The following EPS8 variants were observed in gnomAD, a reference collection of about 807,000 sequenced individuals.
EPS8 encodes the protein EGFR pathway substrate 8, signaling adaptor.
A neutral mutation model predicts 103.8 loss-of-function variants in EPS8; 42 were observed. The ratio of observed to expected loss-of-function variants is 0.40; its 90% CI spans 0.32 to 0.52. The LOEUF is 0.52. Ranked by LOEUF, EPS8 falls within the 20% of genes least tolerant of loss-of-function variation. The pLI is 0.40. For synonymous variants in EPS8, 344 were observed against 344.6 expected, an observed-to-expected ratio of 1.00 and a Z score of 0.02; for missense variants, 969 against 1,005.1, an observed-to-expected ratio of 0.96 and a Z score of 0.49.
intron 8 of EPS8, 138 bp from the exon 9 acceptor site, chr12:15,662,237 T>G: frequency 3.3e-6 from 5 of 1,493,520 alleles, no homozygotes; most frequent in Non-Finnish European, 4.4e-6. Context: ...AAGTCAAAAC[T>G]GTGCTCATCA....
rs193078630 is a variant in EPS8, at chr12:15,767,819, G to C, written c.-22+21342C>G. 6.6e-6 allele frequency among the ~76,000 whole-genome samples: 1 copy of C among 152,270 alleles called. No individual in the cohort carries two copies. Among genetic ancestry groups the C allele is most frequent in the Admixed American group, 6.5e-5 (1 of 15,294 alleles). On this transcript the variant is annotated intron_variant, in intron 1 of 20. Coordinates refer to ENST00000281172, the MANE Select transcript of EPS8 (RefSeq NM_004447.6). This position sits in a 1 kb window ranked among gnomAD's most constrained non-coding sequence, Gnocchi z 5.5. ...TGTCTGGAAATCTGTTTTCCCAACAGGATTTTGCAAAGCAAAAACATTTCA... is the reference window on the plus strand; with the variant it reads ...TGTCTGGAAATCTGTTTTCCCAACACGATTTTGCAAAGCAAAAACATTTCA...
In EPS8 at chr12:15,768,960, AC is replaced by A. The variant is rs1385328791; in HGVS notation, c.-22+20200del. On this transcript the variant is annotated intron_variant, in intron 1 of 20. Coordinates refer to ENST00000281172, the MANE Select transcript of EPS8 (RefSeq NM_004447.6). ...ACATTTTACAGATGAAATTATAATC[AC>A]CTGAGCTTTTAAAAAATAAAAATTA... Among the ~76,000 whole-genome samples the A allele has an allele frequency of 6.6e-5, 10 of 152,370 alleles. No homozygotes were observed. The East Asian group carries it at 1.9e-3, about 29-fold the overall frequency.
chr12:15,746,899 T>C (rs187142520), intron 1 of EPS8, among the ~76,000 whole-genome samples: 9 of 152,286 alleles, frequency 5.9e-5, no homozygotes, highest in Admixed American at 2.0e-4. Context: ...TTATGTTAGT[T>C]ACCATAGTGC....
rs1361523890 is a variant in EPS8 at position 15,716,285 on chromosome 12, A to C, written c.-21-33313T>G. Among the ~76,000 whole-genome samples the C allele has an allele frequency of 1.3e-5, 2 of 152,216 alleles. No homozygotes were observed. Among genetic ancestry groups the C allele is most frequent in the African/African-American group, 4.8e-5 (2 of 41,456 alleles). On this transcript the variant is annotated intron_variant, in intron 1 of 20. Coordinates refer to ENST00000281172, the MANE Select transcript of EPS8 (RefSeq NM_004447.6). This position sits in a 1 kb window ranked among gnomAD's most constrained non-coding sequence, Gnocchi z 5.0. ...CAGGTACAGTTAATACCCTGCTGTT[A>C]AACAAAATTCTGATATACCTTTGGC...
At position 15,735,218 on chromosome 12, in the gene EPS8, T is replaced by G. The variant is rs1036394392; in HGVS notation, c.-21-52246A>C. On this transcript the variant is annotated intron_variant, in intron 1 of 20. Transcript: ENST00000281172. This position sits in a 1 kb window ranked among gnomAD's most constrained non-coding sequence, Gnocchi z 4.4. Reference sequence around the variant, plus strand: ...TTCTTACGTTTCTACTTTAGTCCAATGAAGGCTAAGTTAAAGGTATTCTGC... The same window carrying G: ...TTCTTACGTTTCTACTTTAGTCCAAGGAAGGCTAAGTTAAAGGTATTCTGC... Among the ~76,000 whole-genome samples the G allele has an allele frequency of 6.6e-6, 1 of 152,348 alleles. No individual in the cohort carries two copies. Among genetic ancestry groups the G allele is most frequent in the Admixed American group, 6.5e-5 (1 of 15,308 alleles).
chr12:15,778,500 T>G lies in EPS8; in HGVS notation c.-22+10661A>C, dbSNP rs1181192932. On this transcript the variant is annotated intron_variant, in intron 1 of 20. Coordinates refer to ENST00000281172, the MANE Select transcript of EPS8 (RefSeq NM_004447.6). This position sits in a 1 kb window ranked among gnomAD's most constrained non-coding sequence, Gnocchi z 4.5. ...TGTGCAAAAAACAAAACAAAAACAC[T>G]GTAGTTTATGGTACACAGTACTTTT... Among the ~76,000 whole-genome samples the G allele has an allele frequency of 1.3e-5, 2 of 152,132 alleles. No homozygotes were observed. The highest frequency in any genetic ancestry group is 1.5e-5 in the Non-Finnish European group (1 of 68,032).
chr12:15,681,901 C>T (rs4764220), intron 2 of EPS8, among the ~76,000 whole-genome samples: 110,047 of 151,756 alleles, frequency 0.73, 41,041 homozygotes, highest in East Asian at 0.87. Context: ...AGACCCAAAA[C>T]CTAGAAGAAT....
chr12:15,649,636 T>C (rs953810957), intron 14 of EPS8, among the ~76,000 whole-genome samples: 3 of 152,110 alleles, frequency 2.0e-5, no homozygotes, highest in Non-Finnish European at 4.4e-5. Flanking sequence ...AAAAATTGCA[T>C]TAGGAAAAAA....
At position 15,690,186 on chromosome 12, in the gene EPS8, T is replaced by G. The variant is rs1321872649; in HGVS notation, c.-21-7214A>C. Reference sequence around the variant, plus strand: ...GCTCCTTAAGAGGATCAATCTTTTCTAAAGTGTACAATATATCTTTATAAA... The same window carrying G: ...GCTCCTTAAGAGGATCAATCTTTTCGAAAGTGTACAATATATCTTTATAAA... On this transcript the variant is annotated intron_variant, in intron 1 of 20. Coordinates refer to ENST00000281172, the MANE Select transcript of EPS8 (RefSeq NM_004447.6). This position sits in a 1 kb window ranked among gnomAD's most constrained non-coding sequence, Gnocchi z 4.7. Among the ~76,000 whole-genome samples, 1 of 152,194 alleles carries G rather than the reference T, an allele frequency of 6.6e-6. No homozygotes were observed. Among genetic ancestry groups the G allele is most frequent in the African/African-American group, 2.4e-5 (1 of 41,452 alleles).
intron 8 of EPS8, 49 bp downstream of exon 8, chr12:15,665,707 C>G: frequency 6.2e-7 from 1 of 1,603,830 alleles, no homozygotes; most frequent in Non-Finnish European, 8.5e-7. Context: ...AGAACTATGT[C>G]CCAACCCAAA....
At chr12:15,737,049 A>G (rs1350573478) in intron 1 of EPS8, among the ~76,000 whole-genome samples, 1 of 152,188 alleles carries the variant, frequency 6.6e-6, no homozygotes, top group Non-Finnish European at 1.5e-5. Flanking sequence ...GATAAATGAG[A>G]TGTTAGTATA....
chr12:15,738,743 G>GTT lies in EPS8; in HGVS notation c.-22+50416_-22+50417dup, dbSNP rs58408455. Among the ~76,000 whole-genome samples, 3 of 148,470 alleles carry GTT rather than the reference G, an allele frequency of 2.0e-5. No homozygotes were observed. The highest frequency in any genetic ancestry group is 4.9e-5 in the African/African-American group (2 of 40,590). On this transcript the variant is annotated intron_variant, in intron 1 of 20. Coordinates refer to ENST00000281172, the MANE Select transcript of EPS8 (RefSeq NM_004447.6). This position sits in a 1 kb window ranked among gnomAD's most constrained non-coding sequence, Gnocchi z 6.2. ...CTACAAAAGGACACAGGCCAACTTG[G>GTT]TTTTTTTTTTGTAATACCAGCAGCT...
At position 15,713,993 on chromosome 12, in the gene EPS8, A is replaced by G. The variant is rs1946500179; in HGVS notation, c.-21-31021T>C. Among the ~76,000 whole-genome samples, 2 of 152,224 alleles carry G rather than the reference A, an allele frequency of 1.3e-5. No homozygotes were observed. The highest frequency in any genetic ancestry group is 2.4e-5 in the African/African-American group (1 of 41,468). ...TAGATCCTGGGCCAGTGAAATCTGT[A>G]AAGTATCTAGAAGAAACAAACACAA... On this transcript the variant is annotated intron_variant, in intron 1 of 20. Coordinates refer to ENST00000281172, the MANE Select transcript of EPS8 (RefSeq NM_004447.6). This position sits in a 1 kb window ranked among gnomAD's most constrained non-coding sequence, Gnocchi z 4.8.
At position 15,749,581 on chromosome 12, in the gene EPS8, G is replaced by A. The variant is rs569656995; in HGVS notation, c.-22+39580C>T. Among the ~76,000 whole-genome samples, 1 of 152,248 alleles carries A rather than the reference G, an allele frequency of 6.6e-6. No individual in the cohort carries two copies. Among genetic ancestry groups the A allele is most frequent in the Non-Finnish European group, 1.5e-5 (1 of 68,008 alleles). On this transcript the variant is annotated intron_variant, in intron 1 of 20. Transcript: ENST00000281172. This position sits in a 1 kb window ranked among gnomAD's most constrained non-coding sequence, Gnocchi z 4.0. Reference sequence around the variant, plus strand: ...TCTTCTTCACTCTGGCTGCGACTATGCCTCACTCAGAGAAGGGACTCAATA... The same window carrying A: ...TCTTCTTCACTCTGGCTGCGACTATACCTCACTCAGAGAAGGGACTCAATA...
chr12:15,664,699 C>T (rs73315021), intron 8 of EPS8, among the ~76,000 whole-genome samples: 11,140 of 152,092 alleles, frequency 0.073, 1,331 homozygotes, highest in African/African-American at 0.25. Flanking sequence ...GTGCCAGATA[C>T]CCTGTGTGAA....
rs1210741149 is a variant in EPS8 at position 15,716,375 on chromosome 12, G to A, written c.-21-33403C>T. Among the ~76,000 whole-genome samples the A allele has an allele frequency of 1.3e-5, 2 of 152,108 alleles. No individual in the cohort carries two copies. The highest frequency in any genetic ancestry group is 3.8e-4 in the East Asian group (2 of 5,200). ...ATGAAAGGCTAATCTGGCACAGACTGATATATGACAAATCATTGTCCAAAT... is the reference window on the plus strand; with the variant it reads ...ATGAAAGGCTAATCTGGCACAGACTAATATATGACAAATCATTGTCCAAAT... On this transcript the variant is annotated intron_variant, in intron 1 of 20. Coordinates refer to ENST00000281172, the MANE Select transcript of EPS8 (RefSeq NM_004447.6). The surrounding 1 kb of genome is among the most constrained non-coding windows in gnomAD (Gnocchi z 5.0).
chr12:15,714,091 A>G lies in EPS8; in HGVS notation c.-21-31119T>C, dbSNP rs1946501233. Among the ~76,000 whole-genome samples the G allele has an allele frequency of 6.6e-6, 1 of 152,170 alleles. No individual in the cohort carries two copies. The highest frequency in any genetic ancestry group is 2.4e-5 in the African/African-American group (1 of 41,464). Reference sequence around the variant, plus strand: ...TTGGGTAGAAAAACCAAACCAAAACAAAACAAAACAAAAAACAATCCCCAA... The same window carrying G: ...TTGGGTAGAAAAACCAAACCAAAACGAAACAAAACAAAAAACAATCCCCAA... On this transcript the variant is annotated intron_variant, in intron 1 of 20. Coordinates refer to ENST00000281172, the MANE Select transcript of EPS8 (RefSeq NM_004447.6). This position sits in a 1 kb window ranked among gnomAD's most constrained non-coding sequence, Gnocchi z 4.1.
intron 12 of EPS8, among the ~76,000 whole-genome samples, chr12:15,655,879 G>A (rs141219006): frequency 3.0e-4 from 46 of 152,292 alleles, no homozygotes; most frequent in African/African-American, 1.1e-3. Context: ...GCCCTGAATA[G>A]ATGTTCCTCC....
In EPS8 at chr12:15,714,462, C is replaced by T. The variant is rs1174623753; in HGVS notation, c.-21-31490G>A. Among the ~76,000 whole-genome samples the T allele has an allele frequency of 1.3e-5, 2 of 151,992 alleles. No individual in the cohort carries two copies. The highest frequency in any genetic ancestry group is 4.8e-5 in the African/African-American group (2 of 41,398). On this transcript the variant is annotated intron_variant, in intron 1 of 20. Coordinates refer to ENST00000281172, the MANE Select transcript of EPS8 (RefSeq NM_004447.6). This position sits in a 1 kb window ranked among gnomAD's most constrained non-coding sequence, Gnocchi z 4.1. ...GTCAAGAGCAGCCTGGGCAACATAC[C>T]AAGACCCCATCTCCACAAAAAATTC...
Sources: allele counts gnomAD v4.1 joint callset (sites outside exome capture counted in the v4.1 genomes callset), GRCh38; gene constraint gnomAD v4.1.1; non-coding constraint Gnocchi (gnomAD v3.1); transcripts MANE v1.5; gene names NCBI Gene and HGNC (gene_info 2026-07-23, HGNC 2026-07-21).